AGBL4: variants seen among roughly 807,000 people sequenced by gnomAD.
The protein encoded by AGBL4 is AGBL carboxypeptidase 4.
Under a neutral mutation model 66.4 loss-of-function variants are expected in AGBL4, and 58 were observed. The ratio of observed to expected loss-of-function variants is 0.87; its 90% CI spans 0.71 to 1.09. The LOEUF (loss-of-function observed/expected upper bound fraction) is 1.09, where lower values mean the gene tolerates loss of function less well. Ranked by LOEUF, AGBL4 falls within the 50% of genes least tolerant of loss-of-function variation. The pLI is 0.00. For missense variants in AGBL4, 579 were observed against 631.0 expected, an observed-to-expected ratio of 0.92 and a Z score of 0.88; for synonymous variants, 234 against 222.9, an observed-to-expected ratio of 1.05 and a Z score of -0.44.
At chr1:49,949,430 G>A (rs914807668) in intron 1 of AGBL4, among the ~76,000 whole-genome samples, 6 of 151,478 alleles carry the variant, frequency 4.0e-5, no homozygotes, top group African/African-American at 1.5e-4. Flanking sequence ...AGAATGCTGT[G>A]GGAGAAAATC....
At chr1:49,158,471 A>G (rs1191809157) in intron 4 of AGBL4, among the ~76,000 whole-genome samples, 1 of 152,108 alleles carries the variant, frequency 6.6e-6, no homozygotes, top group Non-Finnish European at 1.5e-5. Flanking sequence ...TTTGCTGAGG[A>G]GTGTTTTACT....
At chr1:49,927,100 A>G (rs778605635) in intron 1 of AGBL4, among the ~76,000 whole-genome samples, 1 of 152,080 alleles carries the variant, frequency 6.6e-6, no homozygotes, top group Non-Finnish European at 1.5e-5. Flanking sequence ...TTCTGGCCAC[A>G]TTGGCAGCTT....
At chr1:49,643,938 T>G (rs1369820818) in intron 3 of AGBL4, among the ~76,000 whole-genome samples, 2 of 151,676 alleles carry the variant, frequency 1.3e-5, no homozygotes, top group Admixed American at 6.6e-5. Context: ...AAAGACTTTT[T>G]CCTTATTGGT....
chr1:48,750,739 GC>G (rs1488198157), intron 6 of AGBL4, among the ~76,000 whole-genome samples: 3 of 152,242 alleles, frequency 2.0e-5, no homozygotes, highest in African/African-American at 7.2e-5. Flanking sequence ...GCACTGGAAG[GC>G]AGTGAGTGAG....
intron 4 of AGBL4, among the ~76,000 whole-genome samples, chr1:49,058,946 G>C (rs951929084): frequency 2.0e-5 from 3 of 152,216 alleles, no homozygotes; most frequent in Admixed American, 6.5e-5. Flanking sequence ...AATGGCAAAG[G>C]GTTCAAGAGG....
At chr1:49,889,659 A>T (rs907947069) in intron 1 of AGBL4, among the ~76,000 whole-genome samples, 1 of 152,100 alleles carries the variant, frequency 6.6e-6, no homozygotes, top group Non-Finnish European at 1.5e-5. Context: ...CAGGAGGCTG[A>T]TGCAGGAGAA....
chr1:49,716,213 TTTCCCCA>T (rs1312905088), intron 2 of AGBL4, among the ~76,000 whole-genome samples: 3 of 152,188 alleles, frequency 2.0e-5, no homozygotes, highest in African/African-American at 2.4e-5. Context: ...TAGGGAATCC[TTTCCCCA>T]TTGCTTGTTT....
At chr1:49,372,677 TTC>T (rs777558291) in intron 3 of AGBL4, among the ~76,000 whole-genome samples, 7 of 126,420 alleles carry the variant, frequency 5.5e-5, no homozygotes, top group South Asian at 2.6e-4. Flanking sequence ...CTTTCTTTCT[TTC>T]TCTTTCTTTC....
intron 6 of AGBL4, among the ~76,000 whole-genome samples, chr1:48,712,907 C>T (rs320059): frequency 0.89 from 135,725 of 152,242 alleles, 62,399 homozygotes; most frequent in Non-Finnish European, 1. Context: ...AGGGAGATGG[C>T]GGCCACCCAG....
chr1:49,468,826 T>C (rs1021047378), intron 3 of AGBL4, among the ~76,000 whole-genome samples: 1 of 151,860 alleles, frequency 6.6e-6, no homozygotes, highest in African/African-American at 2.4e-5. Context: ...TATATAAGCA[T>C]TGTATGTGTA....
intron 3 of AGBL4, among the ~76,000 whole-genome samples, chr1:49,607,556 A>G (rs1354554354): frequency 3.3e-5 from 5 of 152,098 alleles, no homozygotes; most frequent in Non-Finnish European, 5.9e-5. Context: ...TCTAGGAGGC[A>G]TTATCTGGAC....
chr1:48,846,074 T>C (rs1188341807), intron 6 of AGBL4, among the ~76,000 whole-genome samples: 1 of 152,060 alleles, frequency 6.6e-6, no homozygotes, highest in Non-Finnish European at 1.5e-5. Flanking sequence ...GCTTAAAGGG[T>C]ATAAACTCTT....
At chr1:49,131,885 C>A (rs369008637) in intron 4 of AGBL4, among the ~76,000 whole-genome samples, 4 of 152,000 alleles carry the variant, frequency 2.6e-5, no homozygotes, top group Admixed American at 6.6e-5. Context: ...ATTTTGAATT[C>A]TATTTGGAGT....
At chr1:49,085,651 C>A (rs185179761) in intron 4 of AGBL4, among the ~76,000 whole-genome samples, 1 of 151,652 alleles carries the variant, frequency 6.6e-6, no homozygotes, top group African/African-American at 2.4e-5. Context: ...GCATAGAGAG[C>A]AGAGAATAGC....
intron 3 of AGBL4, among the ~76,000 whole-genome samples, chr1:49,503,816 A>T (rs1256771476): frequency 6.6e-6 from 1 of 152,042 alleles, no homozygotes; most frequent in East Asian, 1.9e-4. Context: ...GAAGTACCTA[A>T]TTTGCTTTTG....
chr1:49,031,134 C>A (rs1054115061), intron 5 of AGBL4, among the ~76,000 whole-genome samples: 6 of 152,080 alleles, frequency 3.9e-5, no homozygotes, highest in Admixed American at 2.0e-4. Flanking sequence ...GTCACCCAGG[C>A]TGGAGTGCAG....
At chr1:49,743,513 G>C (rs1650720413) in intron 2 of AGBL4, among the ~76,000 whole-genome samples, 1 of 152,138 alleles carries the variant, frequency 6.6e-6, no homozygotes, top group Non-Finnish European at 1.5e-5. Context: ...CAGGGATCTA[G>C]AACTAGAAAT....
chr1:49,877,734 G>T (rs1248366837), intron 1 of AGBL4, among the ~76,000 whole-genome samples: 1 of 151,356 alleles, frequency 6.6e-6, no homozygotes, highest in Non-Finnish European at 1.5e-5. Context: ...AGAAGGAATG[G>T]TACCAGTTCC....
intron 3 of AGBL4, among the ~76,000 whole-genome samples, chr1:49,260,241 A>T (rs1237266409): frequency 1.3e-5 from 2 of 151,960 alleles, no homozygotes; most frequent in Non-Finnish European, 2.9e-5. Flanking sequence ...GATCACAATT[A>T]AAAGAACTAG....
Sources: gnomAD v4.1 joint callset for allele counts (sites outside exome capture counted in the v4.1 genomes callset) on GRCh38, gnomAD v4.1.1 for gene constraint, MANE v1.5 for transcripts, NCBI Gene and HGNC (gene_info 2026-07-23, HGNC 2026-07-21) for gene names.